TMEM41A: variants seen among roughly 807,000 people sequenced by gnomAD.
The protein encoded by TMEM41A is transmembrane protein 41A.
A neutral mutation model predicts 25.7 loss-of-function variants in TMEM41A; 20 were observed. The ratio of observed to expected loss-of-function variants is 0.78; its 90% CI spans 0.55 to 1.13. The LOEUF is 1.13. Among genes scored for constraint, TMEM41A ranks in the 50% most tolerant of loss-of-function variants. TMEM41A has a pLI of 0.00. For missense variants in TMEM41A, 299 were observed against 314.3 expected (o/e 0.95, Z 0.37); for synonymous variants, 133 against 139.6 (o/e 0.95, Z 0.33).
Position 185,493,825 on chromosome 3 carries a change from G to C in TMEM41A, c.574+798C>G, listed in dbSNP as rs1321664238. ...CAAAGTGCTGGGATTACAGGTGTGA[G>C]CCACTCAGCCCGGCCTCCAAGTGAT... On this transcript the variant is annotated intron_variant, in intron 4 of 4. Transcript: ENST00000421852. The C allele has an allele frequency of 2.0e-5, 3 of 152,390 alleles. No homozygotes were observed. In the East Asian group the frequency reaches 5.8e-4, roughly 29 times the overall value. 9.4% of individuals were successfully genotyped at this position (152,390 alleles called of 1,614,324 possible).
intron 4 of TMEM41A, chr3:185,492,428 G>A (rs1200711620): frequency 1.3e-5 from 2 of 152,206 alleles, no homozygotes; most frequent in East Asian, 3.9e-4. Context: ...CCAAAAGTGG[G>A]CCCCAAATTT....
At chr3:185,498,745 C>G in intron 1 of TMEM41A, 98 bp downstream of exon 1, 1 of 916,368 alleles carries the variant, frequency 1.1e-6, no homozygotes, top group Non-Finnish European at 1.6e-6. Context: ...CCAACGCCTC[C>G]GATACCGGAA....
At chr3:185,498,245 A>AG (rs1719165399) in intron 1 of TMEM41A, among the ~76,000 whole-genome samples, 2 of 150,926 alleles carry the variant, frequency 1.3e-5, no homozygotes, top group Admixed American at 1.3e-4. Context: ...AGCCTGGGTG[A>AG]CAGAGCAAGA....
chr3:185,496,757 A>C, intron 2 of TMEM41A, 71 bp downstream of exon 2: 1 of 1,521,994 alleles, frequency 6.6e-7, no homozygotes, highest in Non-Finnish European at 8.9e-7. Flanking sequence ...CAACAATCCC[A>C]TGAGGTTACA....
At chr3:185,493,989 T>TC (rs1719029951) in intron 4 of TMEM41A, 1 of 152,144 alleles carries the variant, frequency 6.6e-6, no homozygotes, top group Non-Finnish European at 1.5e-5. Flanking sequence ...ATTCAGTAGG[T>TC]CTGGAGTAGG....
Position 185,490,786 on chromosome 3 carries a change from C to T in TMEM41A, c.*751G>A, listed in dbSNP as rs1324362895. 6.6e-6 allele frequency: 1 copy of T among 152,086 alleles called. No homozygotes were observed. The highest frequency in any genetic ancestry group is 1.5e-5 in the Non-Finnish European group (1 of 68,024). The allele number at this position is 152,086 out of a possible 1,614,324, so 9.4% of individuals were successfully genotyped here. On this transcript the variant is annotated 3_prime_UTR_variant, in exon 5 of 5. Coordinates refer to ENST00000421852, the MANE Select transcript of TMEM41A (RefSeq NM_080652.4). Reference sequence around the variant, plus strand: ...GAGCGGTGTCAGTGATGTGAGTTCCCGTGTCATCATTGGTACTAAACATCC... The same window carrying T: ...GAGCGGTGTCAGTGATGTGAGTTCCTGTGTCATCATTGGTACTAAACATCC...
At position 185,494,679 on chromosome 3, in the gene TMEM41A, A is replaced by T. The variant is rs1560147322; in HGVS notation, c.518T>A (p.Leu173His). Residue 173 changes from leucine (L) to histidine (H), a missense_variant, in exon 4 of 5, where the codon CTC (leucine) becomes CAC (histidine). Transcript: ENST00000421852. ...GGGAATGTTCAGAATTGGGGCCGAG[A>T]GGTTCAAGAACCAGTTTGGTGTCAT... Reference protein sequence around the residue: ...FPMTPNWFLNLSAPILNIPIV... With the variant: ...FPMTPNWFLNHSAPILNIPIV... 3 of 1,612,806 alleles carry T rather than the reference A, an allele frequency of 1.9e-6. No individual in the cohort carries two copies. Among genetic ancestry groups the T allele is most frequent in the Admixed American group, 1.7e-5 (1 of 59,772 alleles).
Position 185,489,929 on chromosome 3 carries a change from A to G in TMEM41A, c.*1608T>C, listed in dbSNP as rs1343989571. The G allele has an allele frequency of 6.6e-6, 1 of 152,210 alleles. No homozygotes were observed. The highest frequency in any genetic ancestry group is 1.5e-5 in the Non-Finnish European group (1 of 68,042). The allele number at this position is 152,210 out of a possible 1,614,324, so 9.4% of individuals were successfully genotyped here. A position where few individuals can be genotyped will look rare whatever the true frequency, so the allele number is the denominator to read the frequency against. ...CATAACCAAAAACCATCACCTGGGGATGCACTCTTCCTATGGAACGTGAGT... is the reference window on the plus strand; with the variant it reads ...CATAACCAAAAACCATCACCTGGGGGTGCACTCTTCCTATGGAACGTGAGT... On this transcript the variant is annotated 3_prime_UTR_variant, in exon 5 of 5. Transcript: ENST00000421852.
intron 1 of TMEM41A, among the ~76,000 whole-genome samples, chr3:185,498,101 C>T (rs1274126565): frequency 1.4e-5 from 2 of 141,058 alleles, no homozygotes; most frequent in Non-Finnish European, 3.1e-5. Context: ...CGCGTCCCTA[C>T]TAAAAATACA....
At position 185,494,608 on chromosome 3, in the gene TMEM41A, C is replaced by T. The variant is rs1719045731; in HGVS notation, c.574+15G>A. 1 of 1,578,942 alleles carries T rather than the reference C, an allele frequency of 6.3e-7. No individual in the cohort carries two copies. The highest frequency in any genetic ancestry group is 1.9e-5 in the Admixed American group (1 of 53,566). Reference sequence around the variant, plus strand: ...ACAGCTCTGAAGACTCAAACCTACCCCACTAGCATCTTACCGATAAGAACT... The same window carrying T: ...ACAGCTCTGAAGACTCAAACCTACCTCACTAGCATCTTACCGATAAGAACT... On this transcript the variant is annotated intron_variant, in intron 4 of 4. Coordinates refer to ENST00000421852, the MANE Select transcript of TMEM41A (RefSeq NM_080652.4).
chr3:185,493,697 T>A (rs1291594495), intron 4 of TMEM41A: 2 of 151,994 alleles, frequency 1.3e-5, no homozygotes, highest in Non-Finnish European at 2.9e-5. Flanking sequence ...CACACCACCA[T>A]GTCAGGCTAA....
chr3:185,492,578 G>A (rs909464394), intron 4 of TMEM41A: 2 of 152,230 alleles, frequency 1.3e-5, no homozygotes, highest in African/African-American at 4.8e-5. Flanking sequence ...CTGGCTGGCT[G>A]AACAGGCTGG....
chr3:185,496,653 G>A (rs1290613452), intron 2 of TMEM41A, 175 bp downstream of exon 2: 2 of 747,144 alleles, frequency 2.7e-6, no homozygotes, highest in East Asian at 5.4e-5. Flanking sequence ...AGCTGTCAGT[G>A]TCTCCCACTT....
intron 1 of TMEM41A, among the ~76,000 whole-genome samples, chr3:185,497,600 T>C (rs969874779): frequency 2.0e-5 from 3 of 152,270 alleles, no homozygotes; most frequent in African/African-American, 7.2e-5. Flanking sequence ...TTAACTCTGC[T>C]CTTAATCTGG....
rs1380614154 is a variant in TMEM41A, at chr3:185,494,762, C to A, written c.436-1G>T. 1 of 1,599,388 alleles carries A rather than the reference C, an allele frequency of 6.3e-7. No homozygotes were observed. The highest frequency in any genetic ancestry group is 1.4e-5 in the African/African-American group (1 of 73,934). On this transcript the variant is annotated splice_acceptor_variant, in intron 3 of 4. Transcript: ENST00000421852. LOFTEE classifies it high-confidence loss of function. The stretch of plus-strand genomic sequence containing the variant: ...ACAAGCTGTTTCTGTTCTCCTCCAC[C>A]TGTAGCCAAAGAGAAGAAAGCTGTT...
At chr3:185,496,299 T>C (rs1391135559) in intron 2 of TMEM41A, 2 of 200,304 alleles carry the variant, frequency 1.0e-5, no homozygotes, top group African/African-American at 4.5e-5. Context: ...ACTACATCCC[T>C]GAGTCATGCC....
chr3:185,494,390 C>A, intron 4 of TMEM41A: 1 of 445,212 alleles, frequency 2.2e-6, no homozygotes, highest in Non-Finnish European at 3.8e-6. Context: ...CTAGTGCATA[C>A]AGCCATGCAA....
intron 1 of TMEM41A, among the ~76,000 whole-genome samples, chr3:185,497,768 A>T (rs1719146102): frequency 6.6e-6 from 1 of 152,242 alleles, no homozygotes; most frequent in Non-Finnish European, 1.5e-5. Flanking sequence ...CCCACAGCAG[A>T]GCCTTCTTAG....
At chr3:185,498,791 C>T (rs1719188131) in intron 1 of TMEM41A, 52 bp downstream of exon 1, 1 of 1,367,962 alleles carries the variant, frequency 7.3e-7, no homozygotes, top group African/African-American at 1.5e-5. Flanking sequence ...CAGCCCCGGT[C>T]CTCGGACCCG....
Sources: allele counts gnomAD v4.1 joint callset (sites outside exome capture counted in the v4.1 genomes callset), GRCh38; gene constraint gnomAD v4.1.1; transcripts MANE v1.5; gene names NCBI Gene and HGNC (gene_info 2026-07-23, HGNC 2026-07-21).